Variants in KCNIP4 observed in about 807,000 individuals in gnomAD.
KCNIP4 encodes the protein Kv channel-interacting protein 4.
Under a neutral mutation model 34.0 loss-of-function variants are expected in KCNIP4, and 12 were observed. The observed-to-expected ratio is 0.35, with a 90% CI of 0.23 to 0.57. The LOEUF (loss-of-function observed/expected upper bound fraction) is 0.57. KCNIP4 is among the 20% of genes least tolerant of loss of function. The pLI is 0.83. For synonymous variants in KCNIP4, 124 were observed against 102.2 expected (o/e 1.21, Z -1.29); for missense variants, 238 against 311.7 (o/e 0.76, Z 1.78).
chr4:21,522,003 G>A (rs917792787), intron 1 of KCNIP4, among the ~76,000 whole-genome samples: 2 of 152,084 alleles, frequency 1.3e-5, no homozygotes, highest in African/African-American at 4.8e-5. Flanking sequence ...TCCTCTAGAG[G>A]GTGATGGGGA....
chr4:21,350,823 GCTAGAGTAAGAGTATA>G (rs1169698240), intron 1 of KCNIP4, among the ~76,000 whole-genome samples: 6 of 152,118 alleles, frequency 3.9e-5, no homozygotes, highest in South Asian at 2.1e-4. Context: ...CCACTTACCT[GCTAGAGTAAGAGTATA>G]CTAGCATATT....
intron 1 of KCNIP4, among the ~76,000 whole-genome samples, chr4:21,065,331 G>C (rs1005889426): frequency 6.6e-6 from 1 of 152,060 alleles, no homozygotes; most frequent in Non-Finnish European, 1.5e-5. Context: ...GCTTAGGAAA[G>C]CAACAATTTG....
intron 1 of KCNIP4, among the ~76,000 whole-genome samples, chr4:21,825,900 G>A (rs1208792617): frequency 6.6e-6 from 1 of 152,086 alleles, no homozygotes; most frequent in African/African-American, 2.4e-5. Context: ...TTAGAATGGA[G>A]AATCAGGGAC....
rs144729656 is a variant in KCNIP4 at position 21,418,171 on chromosome 4, CCTCT to C, written c.61+530396_61+530399del. 2.7e-5 allele frequency among the ~76,000 whole-genome samples: 4 copies of C among 149,814 alleles called. No individual in the cohort carries two copies. In the South Asian group the frequency reaches 6.3e-4, roughly 24 times the overall value. On this transcript the variant is annotated intron_variant, in intron 1 of 8. Coordinates refer to ENST00000382152, the MANE Select transcript of KCNIP4 (RefSeq NM_025221.6). ...TATCGATCTACACACACACTCTCTC[CCTCT>C]CTCTCTCTCTCTCTAACAGGGACAT...
At chr4:21,042,388 C>T (rs557267563) in intron 1 of KCNIP4, among the ~76,000 whole-genome samples, 6 of 152,248 alleles carry the variant, frequency 3.9e-5, no homozygotes, top group South Asian at 2.1e-4. Context: ...TTTGTGACAA[C>T]ATGGATAAGC....
chr4:21,692,259 G>T (rs1711743708), intron 1 of KCNIP4, among the ~76,000 whole-genome samples: 1 of 152,138 alleles, frequency 6.6e-6, no homozygotes, highest in Admixed American at 6.5e-5. Flanking sequence ...ACATTAACAT[G>T]CAAATTTCTT....
At chr4:21,269,523 G>A (rs367709349) in intron 1 of KCNIP4, among the ~76,000 whole-genome samples, 8 of 151,834 alleles carry the variant, frequency 5.3e-5, no homozygotes, top group African/African-American at 1.9e-4. Context: ...TTCCCACCTC[G>A]GCCTCCCAAG....
At chr4:21,191,221 C>A (rs1045534637) in intron 1 of KCNIP4, among the ~76,000 whole-genome samples, 1 of 152,132 alleles carries the variant, frequency 6.6e-6, no homozygotes, top group Non-Finnish European at 1.5e-5. Flanking sequence ...TTCTGAGTCA[C>A]CTTTTCAGCA....
chr4:21,527,240 A>G (rs1736043187), intron 1 of KCNIP4, among the ~76,000 whole-genome samples: 2 of 152,158 alleles, frequency 1.3e-5, no homozygotes, highest in African/African-American at 4.8e-5. Context: ...TAAATACAAA[A>G]CTGAATAGGA....
intron 3 of KCNIP4, among the ~76,000 whole-genome samples, chr4:20,842,824 A>G (rs1416849168): frequency 2.0e-5 from 3 of 152,074 alleles, no homozygotes; most frequent in African/African-American, 7.2e-5. Flanking sequence ...TTTGAGAGAT[A>G]CAAAGACTGG....
chr4:20,818,967 C>T (rs530070311), intron 3 of KCNIP4, among the ~76,000 whole-genome samples: 1 of 144,440 alleles, frequency 6.9e-6, no homozygotes, highest in Middle Eastern at 3.8e-3. Flanking sequence ...TCACCACAAC[C>T]TCTGCCTCCT....
intron 1 of KCNIP4, among the ~76,000 whole-genome samples, chr4:21,800,235 G>A (rs1039231913): frequency 2.0e-5 from 3 of 152,098 alleles, no homozygotes; most frequent in Non-Finnish European, 4.4e-5. Context: ...AGATCACTGG[G>A]AATTTTGATT....
At chr4:21,683,625 C>G (rs929824520) in intron 1 of KCNIP4, among the ~76,000 whole-genome samples, 2 of 151,392 alleles carry the variant, frequency 1.3e-5, no homozygotes, top group Admixed American at 6.6e-5. Flanking sequence ...CCCGCCACCA[C>G]GCCTGGCTAA....
At chr4:20,796,082 T>G (rs1413810362) in intron 3 of KCNIP4, among the ~76,000 whole-genome samples, 1 of 152,238 alleles carries the variant, frequency 6.6e-6, no homozygotes, top group Non-Finnish European at 1.5e-5. Flanking sequence ...AGTGCATACA[T>G]GCAGAAAGTT....
chr4:21,213,611 A>G (rs1043859920), intron 1 of KCNIP4, among the ~76,000 whole-genome samples: 3 of 151,942 alleles, frequency 2.0e-5, no homozygotes, highest in Admixed American at 6.6e-5. Context: ...CGAAAGCACT[A>G]CTTCTAAACT....
intron 8 of KCNIP4, chr4:20,731,210 C>T (rs1748077204): frequency 1.2e-5 from 2 of 170,082 alleles, no homozygotes; most frequent in Non-Finnish European, 2.4e-5. Context: ...GCTGAGACTT[C>T]AGCCACGTGC....
At chr4:21,589,419 A>G (rs1223195080) in intron 1 of KCNIP4, among the ~76,000 whole-genome samples, 1 of 148,256 alleles carries the variant, frequency 6.7e-6, no homozygotes, top group African/African-American at 2.5e-5. Flanking sequence ...GGTTCTAGAG[A>G]AGGTAATAGC....
chr4:20,940,519 T>C (rs963438), intron 1 of KCNIP4, among the ~76,000 whole-genome samples: 102,875 of 152,020 alleles, frequency 0.68, 35,253 homozygotes, highest in East Asian at 0.77. Flanking sequence ...TGTTCAGAGA[T>C]TGATGAAATT....
chr4:21,227,849 G>A (rs780602398), intron 1 of KCNIP4, among the ~76,000 whole-genome samples: 1 of 152,156 alleles, frequency 6.6e-6, no homozygotes, highest in Non-Finnish European at 1.5e-5. Context: ...TCCTGGAGGA[G>A]CGGACAGATC....
Sources: allele counts gnomAD v4.1 joint callset (sites outside exome capture counted in the v4.1 genomes callset), GRCh38; gene constraint gnomAD v4.1.1; transcripts MANE v1.5; gene names NCBI Gene and HGNC (gene_info 2026-07-23, HGNC 2026-07-21).